Variants in DLG2 observed in about 807,000 individuals in gnomAD.
DLG2 encodes the protein discs large MAGUK scaffold protein 2.
Under a neutral mutation model 132.5 loss-of-function variants are expected in DLG2, and 45 were observed. The observed-to-expected ratio is 0.34, with a 90% CI of 0.27 to 0.44. The LOEUF is 0.44. Ranked by LOEUF, DLG2 falls within the 20% of genes least tolerant of loss-of-function variation. The pLI, the probability that DLG2 is intolerant of heterozygous loss-of-function variation, is 1.00. For missense variants in DLG2, 1,045 were observed against 1,196.9 expected (o/e 0.87, Z 1.87); for synonymous variants, 424 against 419.6 (o/e 1.01, Z -0.13).
At chr11:83,759,365 C>T (rs1057106015) in intron 18 of DLG2, among the ~76,000 whole-genome samples, 2 of 152,170 alleles carry the variant, frequency 1.3e-5, no homozygotes, top group African/African-American at 4.8e-5. Flanking sequence ...TTGGAGAGAA[C>T]AAGTACCTGC....
chr11:84,187,324 GT>G (rs2096295348), intron 8 of DLG2, among the ~76,000 whole-genome samples: 1 of 151,806 alleles, frequency 6.6e-6, no homozygotes, highest in African/African-American at 2.4e-5. Flanking sequence ...ATAAAATGTG[GT>G]TTCTACTTCA....
At chr11:84,502,524 T>C (rs2099223301) in intron 7 of DLG2, among the ~76,000 whole-genome samples, 1 of 150,702 alleles carries the variant, frequency 6.6e-6, no homozygotes, top group Admixed American at 6.7e-5. Context: ...GCTTCCCAAG[T>C]AGCTGGGACT....
intron 6 of DLG2, among the ~76,000 whole-genome samples, chr11:84,629,757 G>A (rs1247871054): frequency 6.6e-6 from 1 of 152,046 alleles, no homozygotes; most frequent in Non-Finnish European, 1.5e-5. Flanking sequence ...CTGAGAAAGG[G>A]AAGAAGGAAA....
intron 6 of DLG2, among the ~76,000 whole-genome samples, chr11:85,019,266 T>C (rs1387597610): frequency 2.0e-5 from 3 of 152,124 alleles, no homozygotes; most frequent in African/African-American, 7.2e-5. Context: ...TTAACAAAAC[T>C]ACTAGGAGTG....
intron 10 of DLG2, among the ~76,000 whole-genome samples, chr11:84,085,896 T>A (rs1053635875): frequency 2.5e-4 from 38 of 152,356 alleles, no homozygotes; most frequent in African/African-American, 8.2e-4. Context: ...TTGGACCTTA[T>A]AAAACACAAC....
chr11:85,182,481 A>G (rs1233019669), intron 4 of DLG2, among the ~76,000 whole-genome samples: 1 of 152,030 alleles, frequency 6.6e-6, no homozygotes, highest in East Asian at 1.9e-4. Context: ...TTACATTATA[A>G]TTTTTATTTA....
chr11:84,529,813 A>G (rs964389419), intron 7 of DLG2, among the ~76,000 whole-genome samples: 1 of 152,226 alleles, frequency 6.6e-6, no homozygotes, highest in Admixed American at 6.5e-5. Context: ...ACATAGAACC[A>G]AAACAGAGCC....
chr11:85,377,835 ATGTGTGTATACATATATG>A (rs1186766242), intron 3 of DLG2, among the ~76,000 whole-genome samples: 8 of 147,814 alleles, frequency 5.4e-5, no homozygotes, highest in African/African-American at 1.7e-4. Context: ...ATACATATAT[ATGTGTGTATACATATATG>A]TGTGTGTATA....
intron 3 of DLG2, among the ~76,000 whole-genome samples, chr11:85,559,031 G>A (rs1001452887): frequency 2.6e-4 from 39 of 151,836 alleles, no homozygotes; most frequent in East Asian, 1.3e-3. Context: ...GCTGTGAGAA[G>A]CCCTGAAATT....
chr11:84,540,064 G>A (rs544119985), intron 6 of DLG2, among the ~76,000 whole-genome samples: 3 of 152,146 alleles, frequency 2.0e-5, no homozygotes, highest in African/African-American at 7.2e-5. Flanking sequence ...AGACTTAAAT[G>A]TTAGACCTAA....
intron 7 of DLG2, among the ~76,000 whole-genome samples, chr11:84,358,644 C>T (rs1397035427): frequency 1.3e-5 from 2 of 151,758 alleles, no homozygotes; most frequent in African/African-American, 4.8e-5. Context: ...TATTAAATGG[C>T]TGCTGGGACA....
intron 3 of DLG2, among the ~76,000 whole-genome samples, chr11:85,354,440 C>T (rs1476772007): frequency 6.6e-6 from 1 of 152,098 alleles, no homozygotes; most frequent in East Asian, 1.9e-4. Flanking sequence ...TAAATTTTCA[C>T]AATGTCACCT....
At chr11:84,465,741 C>T (rs2099092599) in intron 7 of DLG2, among the ~76,000 whole-genome samples, 2 of 151,224 alleles carry the variant, frequency 1.3e-5, no homozygotes, top group Admixed American at 6.6e-5. Context: ...CCCAAACCAC[C>T]ACTTATTCAG....
At chr11:83,681,087 A>G (rs1461016917) in intron 18 of DLG2, among the ~76,000 whole-genome samples, 1 of 152,170 alleles carries the variant, frequency 6.6e-6, no homozygotes, top group East Asian at 1.9e-4. Context: ...CAAGCTAGAC[A>G]CACTTGAAAC....
In DLG2 at chr11:85,614,699, CTAA is replaced by C. The variant is rs2081229422; in HGVS notation, c.-93+11885_-93+11887del. ...ATACCACAAAGGTGTCATTTTATTACTAATAATATTAGCTAGCATTTGTGGAAC... is the reference window on the plus strand; with the variant it reads ...ATACCACAAAGGTGTCATTTTATTACTAATATTAGCTAGCATTTGTGGAAC... On this transcript the variant is annotated intron_variant, in intron 2 of 27. Transcript: ENST00000376104. Among the ~76,000 whole-genome samples, 3 of 152,204 alleles carry C rather than the reference CTAA, an allele frequency of 2.0e-5. No homozygotes were observed. In the South Asian group the frequency reaches 6.2e-4, roughly 32 times the overall value.
At chr11:84,491,207 G>A (rs1016162929) in intron 7 of DLG2, among the ~76,000 whole-genome samples, 1 of 152,060 alleles carries the variant, frequency 6.6e-6, no homozygotes, top group Admixed American at 6.6e-5. Flanking sequence ...GAATTCCCAC[G>A]TATTGTGGGA....
chr11:84,540,094 G>T (rs1402653812), intron 6 of DLG2, among the ~76,000 whole-genome samples: 1 of 152,104 alleles, frequency 6.6e-6, no homozygotes, highest in African/African-American at 2.4e-5. Context: ...AACCCTAGAA[G>T]AAAACTTAGG....
intron 8 of DLG2, among the ~76,000 whole-genome samples, chr11:84,209,405 A>G (rs1167133084): frequency 6.6e-6 from 1 of 152,170 alleles, no homozygotes; most frequent in Non-Finnish European, 1.5e-5. Flanking sequence ...TGAATTCCAG[A>G]AGAGAAAGTA....
chr11:84,995,728 T>TA (rs978224067), intron 6 of DLG2, among the ~76,000 whole-genome samples: 67 of 151,600 alleles, frequency 4.4e-4, no homozygotes, highest in South Asian at 4.2e-4. Flanking sequence ...AATTTTTTTT[T>TA]AAAAAAAAAG....
Sources: gnomAD v4.1 joint callset for allele counts (sites outside exome capture counted in the v4.1 genomes callset) on GRCh38, gnomAD v4.1.1 for gene constraint, MANE v1.5 for transcripts, NCBI Gene and HGNC (gene_info 2026-07-23, HGNC 2026-07-21) for gene names.